COLEC11: variants seen among roughly 807,000 people sequenced by gnomAD.
COLEC11 encodes the protein collectin subfamily member 11.
COLEC11 carries 20 observed loss-of-function variants against 27.3 expected under a neutral mutation model. The observed-to-expected ratio is 0.73, with a 90% CI of 0.51 to 1.06. COLEC11 has a LOEUF of 1.06. Among genes scored for constraint, COLEC11 ranks in the 50% least tolerant of loss-of-function variants. The pLI, the probability that COLEC11 is intolerant of heterozygous loss-of-function variation, is 0.00. For synonymous variants in COLEC11, 163 were observed against 154.7 expected (o/e 1.05, Z -0.40); for missense variants, 310 against 383.0 (o/e 0.81, Z 1.59).
At chr2:3,632,019 G>A (rs1009681895) in intron 3 of COLEC11, among the ~76,000 whole-genome samples, 1 of 152,220 alleles carries the variant, frequency 6.6e-6, no homozygotes, top group African/African-American at 2.4e-5. Flanking sequence ...TGGACGTGGA[G>A]TCAGGAGGCC....
At chr2:3,641,619 T>C (rs931502896) in intron 5 of COLEC11, among the ~76,000 whole-genome samples, 1 of 152,160 alleles carries the variant, frequency 6.6e-6, no homozygotes, top group Admixed American at 6.5e-5. Context: ...AAAATATATT[T>C]AACAAATTTT....
chr2:3,601,093 G>A (rs1474811727), intron 1 of COLEC11, among the ~76,000 whole-genome samples: 1 of 152,176 alleles, frequency 6.6e-6, no homozygotes, highest in Non-Finnish European at 1.5e-5. Flanking sequence ...GATGTTTGAA[G>A]AAAGGGGGAT....
intron 3 of COLEC11, among the ~76,000 whole-genome samples, chr2:3,635,883 T>C (rs1665373825): frequency 6.6e-6 from 1 of 152,270 alleles, no homozygotes; most frequent in Non-Finnish European, 1.5e-5. Flanking sequence ...GTCATTTTCA[T>C]AGCCAGATAA....
chr2:3,630,071 A>C (rs372507419), intron 3 of COLEC11, among the ~76,000 whole-genome samples: 8 of 151,986 alleles, frequency 5.3e-5, no homozygotes, highest in African/African-American at 1.9e-4. Flanking sequence ...CATATTGCAT[A>C]TCTGTTAATA....
At chr2:3,610,117 G>A (rs13010512) in intron 2 of COLEC11, among the ~76,000 whole-genome samples, 105,111 of 151,940 alleles carry the variant, frequency 0.69, 36,873 homozygotes, top group South Asian at 0.89. Flanking sequence ...TCTCGCTCTG[G>A]GGTTTTGAAG....
chr2:3,618,086 A>G (rs181621219), intron 3 of COLEC11, among the ~76,000 whole-genome samples: 2 of 152,282 alleles, frequency 1.3e-5, no homozygotes, highest in Admixed American at 6.5e-5. Context: ...CATATTTTGG[A>G]TATTAACCTC....
At chr2:3,605,956 G>A in intron 2 of COLEC11, 5 of 1,105,104 alleles carry the variant, frequency 4.5e-6, no homozygotes, top group Non-Finnish European at 6.3e-6. Flanking sequence ...CAAGCCCAGT[G>A]GCCTTTGTGC....
chr2:3,612,044 C>T (rs904302773), intron 2 of COLEC11, among the ~76,000 whole-genome samples: 12 of 146,950 alleles, frequency 8.2e-5, no homozygotes, highest in Admixed American at 6.7e-4. Context: ...TGCCCTCGGT[C>T]TCTTGCCTCG....
chr2:3,621,695 T>C (rs1664198921), intron 3 of COLEC11, among the ~76,000 whole-genome samples: 1 of 152,252 alleles, frequency 6.6e-6, no homozygotes, highest in African/African-American at 2.4e-5. Flanking sequence ...TTCTTTCTTT[T>C]GTGTATGTAC....
At chr2:3,625,726 G>A (rs551294657) in intron 3 of COLEC11, among the ~76,000 whole-genome samples, 2 of 139,274 alleles carry the variant, frequency 1.4e-5, no homozygotes, top group African/African-American at 2.8e-5. Context: ...TCTGCCTCCC[G>A]GGTTCAAGTG....
At chr2:3,608,672 AAAAAC>A (rs745784725) in intron 2 of COLEC11, among the ~76,000 whole-genome samples, 2 of 152,212 alleles carry the variant, frequency 1.3e-5, no homozygotes, top group Non-Finnish European at 2.9e-5. Context: ...AACAAAAAAC[AAAAAC>A]AAAACAAAAC....
At chr2:3,641,910 G>A (rs889670031) in intron 5 of COLEC11, among the ~76,000 whole-genome samples, 45 of 152,212 alleles carry the variant, frequency 3.0e-4, no homozygotes, top group African/African-American at 1.1e-3. Context: ...TGGATGGTGA[G>A]GTGCTGGGCA....
intron 1 of COLEC11, among the ~76,000 whole-genome samples, chr2:3,598,898 TAAATC>T (rs1476164731): frequency 6.6e-6 from 1 of 152,200 alleles, no homozygotes; most frequent in Non-Finnish European, 1.5e-5. Context: ...TTTTGGGAAT[TAAATC>T]AGATATGTGT....
At chr2:3,641,290 T>G (rs1262359429) in intron 5 of COLEC11, 2 of 1,303,940 alleles carry the variant, frequency 1.5e-6, no homozygotes, top group Non-Finnish European at 1.0e-6. Flanking sequence ...GAAGGTGTGC[T>G]TGCCGGTGTG....
At chr2:3,600,937 C>CA (rs1662172155) in intron 1 of COLEC11, among the ~76,000 whole-genome samples, 1 of 152,170 alleles carries the variant, frequency 6.6e-6, no homozygotes, top group Non-Finnish European at 1.5e-5. Context: ...ATGCCCGGCC[C>CA]CGTGATGGCT....
chr2:3,637,671 G>A (rs73910309), intron 4 of COLEC11, 67 bp downstream of exon 4: 1 of 1,234,754 alleles, frequency 8.1e-7, no homozygotes, highest in African/African-American at 1.5e-5. Context: ...GATACCCTGA[G>A]AATAATTGTA....
At chr2:3,634,757 G>T (rs537769677) in intron 3 of COLEC11, among the ~76,000 whole-genome samples, 1 of 152,072 alleles carries the variant, frequency 6.6e-6, no homozygotes, top group Non-Finnish European at 1.5e-5. Flanking sequence ...GGATTCAGAG[G>T]AGGGCAGGGC....
Position 3,613,328 on chromosome 2 carries a change from G to C in COLEC11, c.148G>C (p.Gly50Arg), listed in dbSNP as rs761109977. The C allele has an allele frequency of 6.2e-7, 1 of 1,610,758 alleles. No individual in the cohort carries two copies. The highest frequency in any genetic ancestry group is 1.7e-5 in the Admixed American group (1 of 59,586). ...PGLKGDAGEK[G>R]DKGAPGRPGR... ...TTCCACAGGGGATGCGGGAGAGAAG[G>C]GAGACAAAGGCGCCCCCGGACGGCC... The change falls in exon 3 of 7, where the codon GGA becomes CGA. Residue 50 changes from glycine to arginine, a missense_variant. By Grantham distance (125) the Gly-to-Arg change is moderately radical (BLOSUM62 -2). Transcript: ENST00000349077.
At chr2:3,630,325 GT>G (rs1664907467) in intron 3 of COLEC11, among the ~76,000 whole-genome samples, 2 of 152,172 alleles carry the variant, frequency 1.3e-5, no homozygotes, top group South Asian at 4.1e-4. Context: ...ACTTCAAAAA[GT>G]TTGTGGAAAA....
Sources: gnomAD v4.1 joint callset for allele counts (sites outside exome capture counted in the v4.1 genomes callset) on GRCh38, gnomAD v4.1.1 for gene constraint, MANE v1.5 for transcripts, NCBI Gene and HGNC (gene_info 2026-07-23, HGNC 2026-07-21) for gene names.